Variants in ZNF354A observed in about 807,000 individuals in gnomAD.
The protein encoded by ZNF354A is zinc finger protein 354A.
ZNF354A carries 25 observed loss-of-function variants against 53.3 expected under a neutral mutation model. That is an observed-to-expected ratio of 0.47 (90% CI 0.34 to 0.66). ZNF354A has a LOEUF of 0.66. Ranked by LOEUF, ZNF354A falls within the 30% of genes least tolerant of loss-of-function variation. The pLI, the probability that ZNF354A is intolerant of heterozygous loss-of-function variation, is 0.01. For missense variants in ZNF354A, 586 were observed against 716.8 expected, an observed-to-expected ratio of 0.82 and a Z score of 2.08; for synonymous variants, 228 against 249.0, an observed-to-expected ratio of 0.92 and a Z score of 0.79.
chr5:178,717,432 T>C (rs996617515), intron 4 of ZNF354A, among the ~76,000 whole-genome samples: 2 of 151,612 alleles, frequency 1.3e-5, no homozygotes, highest in Non-Finnish European at 2.9e-5. Flanking sequence ...ACAGGAAAGT[T>C]AGGGATCATG....
intron 4 of ZNF354A, among the ~76,000 whole-genome samples, chr5:178,724,937 A>T (rs1464112076): frequency 1.3e-5 from 2 of 152,150 alleles, no homozygotes; most frequent in Non-Finnish European, 2.9e-5. Context: ...GATACCAAGG[A>T]CCATATGATT....
chr5:178,723,179 A>C (rs944866583), intron 4 of ZNF354A, among the ~76,000 whole-genome samples: 1 of 152,170 alleles, frequency 6.6e-6, no homozygotes, highest in South Asian at 2.1e-4. Context: ...AAAAAATCTC[A>C]CCTTTCTTCA....
At chr5:178,728,942 T>C (rs1467074112) in intron 2 of ZNF354A, 48 bp downstream of exon 2, 1 of 693,348 alleles carries the variant, frequency 1.4e-6, no homozygotes, top group African/African-American at 1.8e-5. Flanking sequence ...GAACTCCAGT[T>C]AGTGGGGAAA....
At position 178,712,321 on chromosome 5, in the gene ZNF354A, C is replaced by T. The variant is rs768334690; in HGVS notation, c.1557G>A (p.Glu519=). The part of the protein sequence containing the change: ...LSNHQRIHTG[E]KPYRCEECGI... ...CACATTCCTCACATCGATATGGTTT[C>T]TCTCCAGTATGAATTCTCTGGTGAT... Residue 519 remains glutamate, a synonymous_variant, in exon 5 of 5, where the codon GAG becomes GAA. Coordinates refer to ENST00000335815, the MANE Select transcript of ZNF354A (RefSeq NM_005649.3). 3.1e-5 allele frequency: 50 copies of T among 1,614,134 alleles called. No individual in the cohort carries two copies. Among genetic ancestry groups the T allele is most frequent in the South Asian group, 4.4e-5 (4 of 91,078 alleles).
chr5:178,722,444 G>A (rs1400801106), intron 4 of ZNF354A, among the ~76,000 whole-genome samples: 1 of 152,198 alleles, frequency 6.6e-6, no homozygotes, highest in Non-Finnish European at 1.5e-5. Flanking sequence ...CTCACTGAAT[G>A]ACATCACCAA....
At chr5:178,728,385 G>A (rs1176030550) in intron 2 of ZNF354A, among the ~76,000 whole-genome samples, 1 of 151,914 alleles carries the variant, frequency 6.6e-6, no homozygotes, top group East Asian at 1.9e-4. Context: ...AAGTTAAAAT[G>A]GTATATTTTA....
In ZNF354A at chr5:178,728,972, G is replaced by C. The variant is rs1765971034; in HGVS notation, c.33+18C>G. On this transcript the variant is annotated intron_variant, in intron 2 of 4. Transcript: ENST00000335815. ...GGGAAAATCCATCCACTGGGATCTG[G>C]GAGGGCAATGAGCTCACCTGGGGCC... 2.8e-6 allele frequency: 3 copies of C among 1,082,926 alleles called. No individual in the cohort carries two copies. The highest frequency in any genetic ancestry group is 3.2e-5 in the African/African-American group (2 of 63,000). 67.1% of individuals were successfully genotyped at this position (1,082,926 alleles called of 1,614,324 possible).
At chr5:178,714,059 T>A (rs1765673313) in intron 4 of ZNF354A, among the ~76,000 whole-genome samples, 1 of 151,700 alleles carries the variant, frequency 6.6e-6, no homozygotes, top group Non-Finnish European at 1.5e-5. Context: ...CAGGCTCGAG[T>A]GCAGTGGCGC....
chr5:178,725,992 A>C (rs1765898145), intron 3 of ZNF354A: 1 of 320,086 alleles, frequency 3.1e-6, no homozygotes, highest in South Asian at 2.5e-5. Context: ...GGACTACAGG[A>C]ACATGCCACC....
chr5:178,712,556 T>C lies in ZNF354A; in HGVS notation c.1322A>G (p.Asn441Ser). 2 of 1,614,194 alleles carry C rather than the reference T, an allele frequency of 1.2e-6. No homozygotes were observed. Among genetic ancestry groups the C allele is most frequent in the South Asian group, 2.2e-5 (2 of 91,084 alleles). Residue 441 changes from asparagine to serine, a missense_variant, in exon 5 of 5, where the codon AAT becomes AGT. Physicochemically the swap from Asn to Ser is conservative, Grantham distance 46. Transcript: ENST00000335815. ...IHTGEKFYNC[N>S]ECGKALSSHS... ...GGAGCTTAAGGCTTTACCACATTCA[T>C]TACAATTATAAAACTTCTCTCCAGT...
Position 178,712,016 on chromosome 5 carries a change from C to A in ZNF354A, c.*44G>T. 6.6e-7 allele frequency: 1 copy of A among 1,522,986 alleles called. No individual in the cohort carries two copies. Among genetic ancestry groups the A allele is most frequent in the Non-Finnish European group, 8.8e-7 (1 of 1,139,552 alleles). The allele number at this position is 1,522,986 out of a possible 1,614,324, so 94.3% of individuals were successfully genotyped here. A position where few individuals can be genotyped will look rare whatever the true frequency, so the allele number is the denominator to read the frequency against. ...ACATCTCTCTCAAGGATGTATTCTTCGATGAGCTTTGGTTTAAGGCTTTCA... is the reference window on the plus strand; with the variant it reads ...ACATCTCTCTCAAGGATGTATTCTTAGATGAGCTTTGGTTTAAGGCTTTCA... On this transcript the variant is annotated 3_prime_UTR_variant, in exon 5 of 5. Transcript: ENST00000335815.
At position 178,712,089 on chromosome 5, in the gene ZNF354A, A is replaced by G; in HGVS notation, c.1789T>C (p.Tyr597His). 1.2e-6 allele frequency: 2 copies of G among 1,601,106 alleles called. No homozygotes were observed. The highest frequency in any genetic ancestry group is 1.1e-5 in the South Asian group (1 of 89,524). ...FNHRSSLTNH[Y>H]KIHIEEDP is the part of the protein sequence containing the mutation. ...GGGTCCTCTTCGATATGAATTTTAT[A>G]ATGATTAGTAAGGGATGACCTATGG... is the stretch of plus-strand genomic sequence containing the variant. Residue 597 changes from tyrosine (Y) to histidine (H), a missense_variant, in exon 5 of 5, where the codon TAT becomes CAT. By Grantham distance (83) the Tyr-to-His change is moderately conservative (BLOSUM62 2). Around this residue, in one of 2 missense-constraint regions of ZNF354A, gnomAD observed 573 missense variants for 680.1 expected, o/e 0.84. Coordinates refer to ENST00000335815, the MANE Select transcript of ZNF354A (RefSeq NM_005649.3).
chr5:178,714,090 G>A lies in ZNF354A; in HGVS notation c.257-469C>T, dbSNP rs576034749. Among the ~76,000 whole-genome samples, 183 of 151,470 alleles carry A rather than the reference G, an allele frequency of 1.2e-3. 1 individual carries two copies. Among genetic ancestry groups the A allele is most frequent in the Admixed American group, 3.2e-3 (48 of 15,206 alleles). On this transcript the variant is annotated intron_variant, in intron 4 of 4. Transcript: ENST00000335815. ...GGCGCGATCTCGGCTCACTGCAACC[G>A]GTCTCCTGGCTTCAAGCAATTCTTG...
intron 4 of ZNF354A, among the ~76,000 whole-genome samples, chr5:178,722,361 C>T (rs10062628): frequency 1.3e-3 from 200 of 152,274 alleles, no homozygotes; most frequent in African/African-American, 4.5e-3. Context: ...ACTAGGTCAA[C>T]CAAAAACAGC....
chr5:178,714,284 C>T (rs1479736559), intron 4 of ZNF354A, among the ~76,000 whole-genome samples: 1 of 152,034 alleles, frequency 6.6e-6, no homozygotes, highest in Non-Finnish European at 1.5e-5. Flanking sequence ...GGATTACAGG[C>T]ATGAGCCACT....
intron 4 of ZNF354A, among the ~76,000 whole-genome samples, chr5:178,715,455 T>C (rs1198641499): frequency 6.6e-6 from 1 of 152,226 alleles, no homozygotes; most frequent in Admixed American, 6.5e-5. Context: ...TATATCTTTA[T>C]ACTATTTACT....
rs1765657267 is a variant in ZNF354A, at chr5:178,713,363, G to A, written c.515C>T (p.Ser172Leu). 1.9e-6 allele frequency: 3 copies of A among 1,614,122 alleles called. No homozygotes were observed. The South Asian group carries it at 3.3e-5, about 18-fold the overall frequency. The change falls in exon 5 of 5, where the codon TCA (serine) becomes TTA (leucine). Residue 172 changes from serine (S) to leucine (L), a missense_variant. By Grantham distance (145) the Ser-to-Leu change is moderately radical. This residue lies in a region of ZNF354A where 573 missense variants were observed against 680.1 expected (regional missense o/e 0.84). Coordinates refer to ENST00000335815, the MANE Select transcript of ZNF354A (RefSeq NM_005649.3). ...AAGTATCTGTTGCCTAATAAGCACT[G>A]ACTTTGGGCTGAAGTTTTGGCTCAA... ...TELSQNFSPK[S>L]VLIRQQILPR... is the part of the protein sequence containing the mutation.
intron 4 of ZNF354A, among the ~76,000 whole-genome samples, chr5:178,715,900 GTTTT>G (rs11287612): frequency 7.0e-6 from 1 of 143,806 alleles, no homozygotes; most frequent in Non-Finnish European, 1.5e-5. Context: ...AATCTCTGTG[GTTTT>G]TTTTTTTTTT....
intron 4 of ZNF354A, among the ~76,000 whole-genome samples, chr5:178,724,452 T>C (rs577037851): frequency 1.3e-5 from 2 of 152,206 alleles, no homozygotes; most frequent in East Asian, 3.9e-4. Context: ...CTCAAACTCC[T>C]GACCTCAGGT....
Sources: gnomAD v4.1 joint callset for allele counts (sites outside exome capture counted in the v4.1 genomes callset) on GRCh38, gnomAD v4.1.1 for gene constraint, gnomAD v4.1.1 regional missense constraint, MANE v1.5 for transcripts, NCBI Gene and HGNC (gene_info 2026-07-23, HGNC 2026-07-21) for gene names.